LRP5: variants seen among roughly 807,000 people sequenced by gnomAD.
LRP5 encodes low-density lipoprotein receptor-related protein 5.
LRP5 carries 62 observed loss-of-function variants against 154.1 expected under a neutral mutation model. The observed-to-expected ratio is 0.40, with a 90% CI of 0.33 to 0.50. LRP5 has a LOEUF of 0.50. LRP5 is among the 20% of genes least tolerant of loss of function. The pLI, the probability that LRP5 is intolerant of heterozygous loss-of-function variation, is 0.55. For missense variants in LRP5, 1,915 were observed against 2,336.7 expected, an observed-to-expected ratio of 0.82 and a Z score of 3.72; for synonymous variants, 966 against 1,011.5, an observed-to-expected ratio of 0.96 and a Z score of 0.85.
At chr11:68,326,513 G>A (rs560417289) in intron 1 of LRP5, among the ~76,000 whole-genome samples, 6 of 152,222 alleles carry the variant, frequency 3.9e-5, no homozygotes, top group Admixed American at 1.3e-4. Context: ...GTCTTCCCTC[G>A]CCCTGGCCGT....
chr11:68,439,751 G>A (rs1242751817), intron 20 of LRP5, 26 bp from the exon 21 acceptor site: 1 of 1,604,324 alleles, frequency 6.2e-7, no homozygotes. Context: ...GAAGCCACCT[G>A]ACCTCCCCCG....
intron 5 of LRP5, among the ~76,000 whole-genome samples, chr11:68,377,816 G>A (rs1235756686): frequency 5.3e-5 from 8 of 152,206 alleles, no homozygotes; most frequent in South Asian, 2.1e-4. Context: ...GTGGGCGTCC[G>A]GGCAGCAGAG....
chr11:68,420,957 T>G (rs1487828928), intron 13 of LRP5, among the ~76,000 whole-genome samples: 1 of 152,170 alleles, frequency 6.6e-6, no homozygotes, highest in Non-Finnish European at 1.5e-5. Context: ...CCGGGCGCGG[T>G]GGCTCACGCC....
intron 7 of LRP5, among the ~76,000 whole-genome samples, chr11:68,396,755 G>C (rs1394457037): frequency 6.6e-6 from 1 of 152,126 alleles, no homozygotes; most frequent in Non-Finnish European, 1.5e-5. Flanking sequence ...CCTGCGACCA[G>C]CTGTTGCCAT....
At chr11:68,360,083 G>GCGGC (rs1176769456) in intron 3 of LRP5, among the ~76,000 whole-genome samples, 2 of 151,592 alleles carry the variant, frequency 1.3e-5, no homozygotes, top group Non-Finnish European at 2.9e-5. Context: ...GCCACCACAC[G>GCGGC]CGGCCACAGC....
chr11:68,443,585 ATTTTTT>A (rs1219762322), intron 21 of LRP5, among the ~76,000 whole-genome samples: 262 of 24,788 alleles, frequency 0.011, 1 homozygote, highest in East Asian at 0.027. Flanking sequence ...ATATATATAT[ATTTTTT>A]TTTTTTTTGG....
At chr11:68,409,028 C>T (rs552952340) in intron 9 of LRP5, among the ~76,000 whole-genome samples, 6 of 119,094 alleles carry the variant, frequency 5.0e-5, no homozygotes, top group South Asian at 2.5e-4. Flanking sequence ...CCAACCTGAG[C>T]GACAGAGCAA....
chr11:68,448,955 C>T lies in LRP5; in HGVS notation c.4733C>T (p.Thr1578Met), dbSNP rs974175023. 4.3e-6 allele frequency: 7 copies of T among 1,612,916 alleles called. No individual in the cohort carries two copies. Among genetic ancestry groups the T allele is most frequent in the African/African-American group, 2.7e-5 (2 of 74,838 alleles). Residue 1578 changes from threonine (T) to methionine (M), a missense_variant, in exon 23 of 23, where the codon ACG (threonine) becomes ATG (methionine). Coordinates refer to ENST00000294304, the MANE Select transcript of LRP5 (RefSeq NM_002335.4). ...SDSDPYPPPP[T>M]PHSQYLSAED... ...TCAGACCCCTATCCACCCCCACCCA[C>T]GCCCCACAGCCAGTACCTGTCGGCG...
At chr11:68,350,784 C>T (rs978862301) in intron 2 of LRP5, among the ~76,000 whole-genome samples, 10 of 152,250 alleles carry the variant, frequency 6.6e-5, no homozygotes, top group African/African-American at 2.2e-4. Context: ...TGACTGGCTT[C>T]TGACGAGCAT....
In LRP5 at chr11:68,406,598, G is replaced by A; in HGVS notation, c.1876G>A (p.Gly626Ser). 6.2e-7 allele frequency: 1 copy of A among 1,614,160 alleles called. No individual in the cohort carries two copies. The highest frequency in any genetic ancestry group is 8.5e-7 in the Non-Finnish European group (1 of 1,180,034). Residue 626 changes from glycine (G) to serine (S), a missense_variant, in exon 9 of 23, where the codon GGC (glycine) becomes AGC (serine). Physicochemically the swap from Gly to Ser is moderately conservative, Grantham distance 56. Coordinates refer to ENST00000294304, the MANE Select transcript of LRP5 (RefSeq NM_002335.4). The stretch of plus-strand genomic sequence containing the variant: ...CTTCACACCCCACGCAACCCGGTGT[G>A]GCTGCCCCATCGGCCTGGAGCTGCT... Reference protein sequence around the residue: ...CFFTPHATRCGCPIGLELLSD... With the variant: ...CFFTPHATRCSCPIGLELLSD...
chr11:68,438,372 C>G, intron 19 of LRP5, 74 bp from the exon 20 acceptor site: 1 of 1,367,072 alleles, frequency 7.3e-7, no homozygotes, highest in Non-Finnish European at 1.0e-6. Flanking sequence ...TCAGGGCGCA[C>G]GGTGTCTGCC....
At chr11:68,381,420 C>T (rs1297236381) in intron 5 of LRP5, among the ~76,000 whole-genome samples, 5 of 152,052 alleles carry the variant, frequency 3.3e-5, no homozygotes, top group East Asian at 1.9e-4. Flanking sequence ...TCCATGACGT[C>T]GGCCATCCCT....
chr11:68,416,580 G>A, intron 13 of LRP5, 53 bp downstream of exon 13: 2 of 1,567,374 alleles, frequency 1.3e-6, no homozygotes, highest in Admixed American at 1.7e-5. Context: ...CGCTCCTCTT[G>A]CTGGTTTCCA....
rs532392666 is a variant in LRP5, at chr11:68,354,695, G to A, written c.489-2955G>A. ...GAAGGGTGAGTCATATGATGGCCGG[G>A]CTCGGGCCCTCAGCAGACACCAAGT... is the stretch of plus-strand genomic sequence containing the variant. On this transcript the variant is annotated intron_variant, in intron 2 of 22. Coordinates refer to ENST00000294304, the MANE Select transcript of LRP5 (RefSeq NM_002335.4). 4.6e-5 allele frequency among the ~76,000 whole-genome samples: 7 copies of A among 152,356 alleles called. No individual in the cohort carries two copies. In the South Asian group the frequency reaches 1.5e-3, roughly 32 times the overall value.
At chr11:68,298,706 C>T in the LRP5 span, among the ~76,000 whole-genome samples, 1 of 152,182 alleles carries the variant, frequency 6.6e-6, no homozygotes, top group Non-Finnish European at 1.5e-5. Context: ...GCTGTTCCCT[C>T]TAGGACTCCA....
At chr11:68,333,817 A>G (rs887196555) in intron 1 of LRP5, among the ~76,000 whole-genome samples, 4 of 152,210 alleles carry the variant, frequency 2.6e-5, no homozygotes, top group Non-Finnish European at 4.4e-5. Context: ...GTTCACGGAT[A>G]GGAAGACAGG....
At chr11:68,333,851 A>AG (rs1489037164) in intron 1 of LRP5, among the ~76,000 whole-genome samples, 1 of 152,194 alleles carries the variant, frequency 6.6e-6, no homozygotes, top group African/African-American at 2.4e-5. Flanking sequence ...AGTTGCCCCC[A>AG]GATTGATCAG....
chr11:68,352,260 A>C (rs2098619343), intron 2 of LRP5, among the ~76,000 whole-genome samples: 1 of 152,102 alleles, frequency 6.6e-6, no homozygotes. Flanking sequence ...ATTTGCTGGC[A>C]CTCTGCATGT....
Position 68,403,652 on chromosome 11 carries a change from T to G in LRP5, c.1754T>G (p.Leu585Arg), listed in dbSNP as rs1290565039. 5.0e-6 allele frequency: 8 copies of G among 1,614,162 alleles called. No homozygotes were observed. Among genetic ancestry groups the G allele is most frequent in the Admixed American group, 1.7e-5 (1 of 60,028 alleles). ...KASRDVIIDQ[L>R]PDLMGLKAVN... ...AGCCGGGACGTCATCATTGACCAGC[T>G]GCCCGACCTGATGGGGCTCAAAGCT... Residue 585 changes from leucine (L) to arginine (R), a missense_variant, in exon 8 of 23, where the codon CTG becomes CGG. Transcript: ENST00000294304.
Sources: gnomAD v4.1 joint callset for allele counts (sites outside exome capture counted in the v4.1 genomes callset) on GRCh38, gnomAD v4.1.1 for gene constraint, MANE v1.5 for transcripts, NCBI Gene and HGNC (gene_info 2026-07-23, HGNC 2026-07-21) for gene names.